Variants in CRPPA observed in about 807,000 individuals in gnomAD.
CRPPA encodes CDP-L-ribitol pyrophosphorylase A.
Under a neutral mutation model 52.0 loss-of-function variants are expected in CRPPA, and 43 were observed. That is an observed-to-expected ratio of 0.83 (90% CI 0.65 to 1.07). CRPPA has a LOEUF of 1.07. Ranked by LOEUF, CRPPA falls within the 50% of genes least tolerant of loss-of-function variation. The pLI is 0.00. For synonymous variants in CRPPA, 250 were observed against 203.5 expected, an observed-to-expected ratio of 1.23 and a Z score of -1.94; for missense variants, 629 against 551.7, an observed-to-expected ratio of 1.14 and a Z score of -1.40.
chr7:16,189,700 T>C (rs879588457), intron 9 of CRPPA, among the ~76,000 whole-genome samples: 3 of 152,184 alleles, frequency 2.0e-5, no homozygotes, highest in African/African-American at 4.8e-5. Flanking sequence ...GGCTAATTCA[T>C]TGTGAATGTG....
rs1562559385 is a variant in CRPPA at position 16,211,297 on chromosome 7, C to T, written c.1251+4769G>A. 2.0e-5 allele frequency among the ~76,000 whole-genome samples: 3 copies of T among 151,942 alleles called. 1 individual carries two copies. The highest frequency in any genetic ancestry group is 4.4e-5 in the Non-Finnish European group (3 of 67,992). ...ATATTTTATGACCTTTGTATTTTCC[C>T]AAAGAATGACTAAGTCTAAACAATA... On this transcript the variant is annotated intron_variant, in intron 9 of 9. Coordinates refer to ENST00000407010, the MANE Select transcript of CRPPA (RefSeq NM_001101426.4).
rs1036959263 is a variant in CRPPA, at chr7:16,421,163, C to T, written c.160G>A (p.Gly54Arg). ...ACCCCCATCCTCTCCCCGCACCCCC[C>T]GGCAGGCAACACAGCTGCCACGGCT... The part of the protein sequence containing the change: ...PQAVAAVLPA[G>R]GCGERMGVPT... The change falls in exon 1 of 10, where the codon GGG (glycine) becomes AGG (arginine). Residue 54 changes from glycine (G) to arginine (R), a missense_variant. By Grantham distance (125) the Gly-to-Arg change is moderately radical. Coordinates refer to ENST00000407010, the MANE Select transcript of CRPPA (RefSeq NM_001101426.4). 2.2e-6 allele frequency: 3 copies of T among 1,337,580 alleles called. No individual in the cohort carries two copies. Among genetic ancestry groups the T allele is most frequent in the African/African-American group, 3.1e-5 (2 of 65,214 alleles). 82.9% of individuals were successfully genotyped at this position (1,337,580 alleles called of 1,614,324 possible). A position where few individuals can be genotyped will look rare whatever the true frequency, so the allele number is the denominator to read the frequency against.
chr7:16,376,722 T>G (rs944073716), intron 2 of CRPPA, among the ~76,000 whole-genome samples: 1 of 152,238 alleles, frequency 6.6e-6, no homozygotes, highest in Admixed American at 6.5e-5. Context: ...CTCTAATTTG[T>G]GTCTTGCTCT....
rs755839208 is a variant in CRPPA at position 16,121,239 on chromosome 7, GATTT to G, written c.1252-29444_1252-29441del. Among the ~76,000 whole-genome samples the G allele has an allele frequency of 7.9e-5, 12 of 152,030 alleles. No homozygotes were observed. In the East Asian group the frequency reaches 1.2e-3, roughly 15 times the overall value. On this transcript the variant is annotated intron_variant, in intron 9 of 9. Transcript: ENST00000407010. ...CTTTTAAATGATTATTTGAAGTTTA[GATTT>G]ATTTGTTATTTTATGCAATTTTATA...
intron 9 of CRPPA, among the ~76,000 whole-genome samples, chr7:16,172,725 C>T (rs2128385710): frequency 6.6e-6 from 1 of 152,234 alleles, no homozygotes; most frequent in South Asian, 2.1e-4. Context: ...TGACAAGATA[C>T]TTAACATGGT....
intron 9 of CRPPA, among the ~76,000 whole-genome samples, chr7:16,102,156 G>A (rs757997991): frequency 3.7e-4 from 56 of 152,008 alleles, no homozygotes; most frequent in Non-Finnish European, 2.9e-4. Flanking sequence ...AACACCACAC[G>A]TCTACAGCCA....
rs368573620 is a variant in CRPPA at position 16,354,182 on chromosome 7, C to A, written c.684+21910G>T. 1.5e-4 allele frequency among the ~76,000 whole-genome samples: 23 copies of A among 152,184 alleles called. No individual in the cohort carries two copies. The East Asian group carries it at 4.2e-3, about 28-fold the overall frequency. On this transcript the variant is annotated intron_variant, in intron 3 of 9. Transcript: ENST00000407010. ...GATTGTGACAATATTCTCTTGGAAA[C>A]AAATGATGGCAAGAATGTTCCTTTT...
rs34428357 is a variant in CRPPA at position 16,357,161 on chromosome 7, A to ATATTTATTTATTTATT, written c.684+18915_684+18930dup. ...CAGGAGTCAGCAAAGCCTTTAGGGG[A>ATATTTATTTATTTATT]TATTTATTTATTTATTTATTTATTT... On this transcript the variant is annotated intron_variant, in intron 3 of 9. Transcript: ENST00000407010. 1.2e-3 allele frequency among the ~76,000 whole-genome samples: 178 copies of ATATTTATTTATTTATT among 149,398 alleles called. 1 individual carries two copies. The highest frequency in any genetic ancestry group is 4.2e-3 in the African/African-American group (169 of 40,328).
At chr7:16,372,010 T>TA (rs201700475) in intron 3 of CRPPA, among the ~76,000 whole-genome samples, 3,543 of 150,184 alleles carry the variant, frequency 0.024, 99 homozygotes, top group African/African-American at 0.072. Flanking sequence ...TCAGACGAAG[T>TA]AAAAAAAAAA....
In CRPPA at chr7:16,088,940, G is replaced by T. The variant is rs1317642270; in HGVS notation, c.*2755C>A. The T allele has an allele frequency of 2.0e-5, 4 of 204,266 alleles. No homozygotes were observed. The highest frequency in any genetic ancestry group is 3.2e-5 in the Non-Finnish European group (3 of 95,210). The allele number at this position is 204,266 out of a possible 1,614,324, so 12.7% of individuals were successfully genotyped here. On this transcript the variant is annotated 3_prime_UTR_variant, in exon 10 of 10. Coordinates refer to ENST00000407010, the MANE Select transcript of CRPPA (RefSeq NM_001101426.4). The stretch of plus-strand genomic sequence containing the variant: ...TATCACGTCTTATATATCAGACGTG[G>T]CTTATATATCAGATGTCTTTGCCAG...
At chr7:16,253,914 A>G (rs1282114496) in intron 8 of CRPPA, among the ~76,000 whole-genome samples, 1 of 152,200 alleles carries the variant, frequency 6.6e-6, no homozygotes, top group Non-Finnish European at 1.5e-5. Flanking sequence ...AACCCCATCA[A>G]AAAGTGGGCA....
chr7:16,265,919 C>T (rs1436480520), intron 6 of CRPPA, among the ~76,000 whole-genome samples: 1 of 152,148 alleles, frequency 6.6e-6, no homozygotes, highest in African/African-American at 2.4e-5. Flanking sequence ...AGCACTCAGA[C>T]TCAGGTCTGT....
At chr7:16,109,020 G>C (rs1209864068) in intron 9 of CRPPA, among the ~76,000 whole-genome samples, 1 of 151,594 alleles carries the variant, frequency 6.6e-6, no homozygotes, top group Non-Finnish European at 1.5e-5. Context: ...TACATCTCAA[G>C]AAACTAGAAA....
rs1491461185 is a variant in CRPPA, at chr7:16,342,798, T to TATATATATATATATAGATATATAGATATA, written c.684+33293_684+33294insTATATCTATATATCTATATATATATATAT. 5.8e-4 allele frequency among the ~76,000 whole-genome samples: 59 copies of TATATATATATATATAGATATATAGATATA among 101,206 alleles called. 1 individual carries two copies. The highest frequency in any genetic ancestry group is 8.5e-4 in the Non-Finnish European group (44 of 51,936). 66.4% of individuals were successfully genotyped at this position (101,206 alleles called of 152,430 possible). On this transcript the variant is annotated intron_variant, in intron 3 of 9. Coordinates refer to ENST00000407010, the MANE Select transcript of CRPPA (RefSeq NM_001101426.4). The stretch of plus-strand genomic sequence containing the variant: ...AAAAAAAAAAATATATATATATATA[T>TATATATATATATATAGATATATAGATATA]CTATATAGATATATAGATATACATA...
intron 4 of CRPPA, among the ~76,000 whole-genome samples, chr7:16,302,809 G>A (rs1784818510): frequency 6.6e-6 from 1 of 151,704 alleles, no homozygotes; most frequent in Non-Finnish European, 1.5e-5. Flanking sequence ...GAGGATTGAA[G>A]TTCTTTCTCA....
chr7:16,406,463 C>A (rs1178090343), intron 1 of CRPPA, 126 bp from the exon 2 acceptor site: 2 of 737,214 alleles, frequency 2.7e-6, no homozygotes, highest in Admixed American at 5.6e-5. Context: ...GTTAATAAAA[C>A]AGTTTTATGC....
intron 9 of CRPPA, among the ~76,000 whole-genome samples, chr7:16,214,838 G>A (rs114944474): frequency 1.6e-3 from 245 of 152,280 alleles, no homozygotes; most frequent in African/African-American, 5.7e-3. Flanking sequence ...ATACAGATCT[G>A]AGTTCTGTTA....
intron 3 of CRPPA, among the ~76,000 whole-genome samples, chr7:16,331,107 C>A (rs1785541537): frequency 6.6e-6 from 1 of 152,204 alleles, no homozygotes; most frequent in South Asian, 2.1e-4. Flanking sequence ...TCACGCCATT[C>A]TCCTGCCTCA....
At chr7:16,162,630 G>A (rs1266221194) in intron 9 of CRPPA, among the ~76,000 whole-genome samples, 1 of 152,210 alleles carries the variant, frequency 6.6e-6, no homozygotes, top group African/African-American at 2.4e-5. Context: ...GTGTGATGTG[G>A]TGCTGAGAAG....
Sources: allele counts gnomAD v4.1 joint callset (sites outside exome capture counted in the v4.1 genomes callset), GRCh38; gene constraint gnomAD v4.1.1; transcripts MANE v1.5; gene names NCBI Gene and HGNC (gene_info 2026-07-23, HGNC 2026-07-21).